APBB1: variants seen among roughly 807,000 people sequenced by gnomAD.
APBB1 encodes amyloid beta precursor protein binding family B member 1, also known as adaptor protein FE65a2.
A neutral mutation model predicts 78.4 loss-of-function variants in APBB1; 22 were observed. That is an observed-to-expected ratio of 0.28 (90% confidence interval 0.20 to 0.40). The LOEUF (loss-of-function observed/expected upper bound fraction) is 0.40. Ranked by LOEUF, APBB1 falls within the 10% of genes least tolerant of loss-of-function variation. The pLI is 1.00. For missense variants in APBB1, 749 were observed against 932.4 expected (o/e 0.80, Z 2.56); for synonymous variants, 369 against 372.7 (o/e 0.99, Z 0.12).
At chr11:6,412,407 T>A (rs1222178077) in intron 1 of APBB1, among the ~76,000 whole-genome samples, 1 of 152,136 alleles carries the variant, frequency 6.6e-6, no homozygotes, top group African/African-American at 2.4e-5. Flanking sequence ...CACTTCGGCC[T>A]CCCAAAGTGC....
At chr11:6,407,769 A>C (rs1254016209) in intron 2 of APBB1, among the ~76,000 whole-genome samples, 1 of 142,722 alleles carries the variant, frequency 7.0e-6, no homozygotes, top group Non-Finnish European at 1.5e-5. Flanking sequence ...CCTTTAGTAG[A>C]AGTATTTTTT....
chr11:6,396,028 C>A, intron 13 of APBB1, 66 bp from the exon 14 acceptor site: 1 of 1,600,608 alleles, frequency 6.2e-7, no homozygotes, highest in Non-Finnish European at 8.5e-7. Context: ...TCCATCTTAG[C>A]AGCTCTTCCC....
At chr11:6,413,211 TACC>T (rs1849024999) in intron 1 of APBB1, among the ~76,000 whole-genome samples, 1 of 151,922 alleles carries the variant, frequency 6.6e-6, no homozygotes, top group South Asian at 2.1e-4. Context: ...AGACAGCCCC[TACC>T]ACATTACTCT....
Position 6,401,383 on chromosome 11 carries a change from G to A in APBB1, c.1550C>T (p.Ser517Phe). 6.2e-7 allele frequency: 1 copy of A among 1,614,156 alleles called. No individual in the cohort carries two copies. The highest frequency in any genetic ancestry group is 1.3e-5 in the African/African-American group (1 of 75,028). The change falls in exon 11 of 15, where the codon TCC becomes TTC. Residue 517 changes from serine (S) to phenylalanine (F), a missense_variant. By Grantham distance (155) the Ser-to-Phe change is radical. This residue lies in a region of APBB1 where 635 missense variants were observed against 765.0 expected (regional missense o/e 0.83). Transcript: ENST00000609360. This position sits in a 1 kb window ranked among gnomAD's most constrained non-coding sequence, Gnocchi z 4.5. ...RNARCLVNGLSLDHSKLVDVP... is the reference protein window; with the variant it reads ...RNARCLVNGLFLDHSKLVDVP... ...ATCCACAAGTTTAGAGTGGTCCAGG[G>A]AGAGTCCATTTACCAAGCAGCGGGC...
intron 1 of APBB1, among the ~76,000 whole-genome samples, chr11:6,412,585 C>T (rs12099251): frequency 1.3e-5 from 2 of 152,202 alleles, no homozygotes; most frequent in South Asian, 2.1e-4. Flanking sequence ...CACCATCTGA[C>T]AAGCCAATTT....
In APBB1 at chr11:6,395,577, C is replaced by T; in HGVS notation, c.2090G>A (p.Trp697Ter). Reference protein sequence around the residue: ...WTVRRGVQSLWGSLKPKRLGA... With the variant: ...WTVRRGVQSL ...CAGCCGTTTGGGCTTCAGGGAGCCC[C>T]ACAGCGACTGAACACCCCTGCGGAC... Residue 697 changes from tryptophan to a stop codon, truncating the protein, a stop_gained, in exon 15 of 15, where the codon TGG becomes TAG. Coordinates refer to ENST00000609360, the MANE Select transcript of APBB1 (RefSeq NM_001164.5). LOFTEE classifies it high-confidence loss of function. This position sits in a 1 kb window ranked among gnomAD's most constrained non-coding sequence, Gnocchi z 5.2. The T allele has an allele frequency of 6.3e-7, 1 of 1,583,418 alleles. No individual in the cohort carries two copies.
At chr11:6,402,795 G>C in intron 6 of APBB1, 70 bp from the exon 7 acceptor site, 7 of 1,580,760 alleles carry the variant, frequency 4.4e-6, no homozygotes, top group Non-Finnish European at 2.6e-6. Context: ...TGACTACAGA[G>C]TGTGGCAGGA....
Position 6,409,080 on chromosome 11 carries a change from T to C in APBB1, c.721+1547A>G, listed in dbSNP as rs180962555. ...GAAATGCAAAAGTAAACTGTTGTTGTTGTTGTTGAGAAAGGGTCTCTCTCT... is the reference window on the plus strand; with the variant it reads ...GAAATGCAAAAGTAAACTGTTGTTGCTGTTGTTGAGAAAGGGTCTCTCTCT... On this transcript the variant is annotated intron_variant, in intron 2 of 14. Coordinates refer to ENST00000609360, the MANE Select transcript of APBB1 (RefSeq NM_001164.5). Among the ~76,000 whole-genome samples the C allele has an allele frequency of 3.8e-3, 573 of 152,320 alleles. 2 individuals are homozygous for C. Among genetic ancestry groups the C allele is most frequent in the Middle Eastern group, 0.017 (5 of 294 alleles).
At chr11:6,408,070 C>T (rs145991801) in intron 2 of APBB1, among the ~76,000 whole-genome samples, 2,293 of 152,294 alleles carry the variant, frequency 0.015, 60 homozygotes, top group African/African-American at 0.053. Flanking sequence ...TGAGCCACCG[C>T]GCCCGGCCTA....
At chr11:6,402,445 A>C (rs1190000040) in intron 7 of APBB1, 131 bp downstream of exon 7, 1 of 1,183,944 alleles carries the variant, frequency 8.4e-7, no homozygotes, top group African/African-American at 1.5e-5. Flanking sequence ...TCCATCCCAC[A>C]GGGCTGCCAC....
chr11:6,418,337 G>C lies in APBB1; in HGVS notation c.-15+648C>G, dbSNP rs577066412. 2.6e-5 allele frequency among the ~76,000 whole-genome samples: 4 copies of C among 152,318 alleles called. No individual in the cohort carries two copies. In the South Asian group the frequency reaches 8.3e-4, roughly 32 times the overall value. The stretch of plus-strand genomic sequence containing the variant: ...TTTCAGTGGGTGTCAGGGACACAGA[G>C]TGGAGTGCTTTTAAGAATGAATGGG... On this transcript the variant is annotated intron_variant, in intron 1 of 14. Coordinates refer to ENST00000609360, the MANE Select transcript of APBB1 (RefSeq NM_001164.5).
At chr11:6,418,568 C>T (rs1849177205) in intron 1 of APBB1, among the ~76,000 whole-genome samples, 1 of 152,212 alleles carries the variant, frequency 6.6e-6, no homozygotes, top group South Asian at 2.1e-4. Context: ...CAGGGCACAC[C>T]CCTCGGTCGC....
At chr11:6,413,935 GA>G (rs1242632313) in intron 1 of APBB1, among the ~76,000 whole-genome samples, 5 of 152,124 alleles carry the variant, frequency 3.3e-5, no homozygotes, top group Non-Finnish European at 7.3e-5. Context: ...ACAGCCACTG[GA>G]ATAAATGAAG....
At chr11:6,417,091 C>T (rs761410416) in intron 1 of APBB1, among the ~76,000 whole-genome samples, 14 of 152,196 alleles carry the variant, frequency 9.2e-5, no homozygotes, top group African/African-American at 2.2e-4. Context: ...CTCAGTCTGG[C>T]GCCTGCCTTC....
intron 1 of APBB1, among the ~76,000 whole-genome samples, chr11:6,417,546 A>G (rs777933428): frequency 1.6e-4 from 24 of 152,364 alleles, no homozygotes; most frequent in Middle Eastern, 3.4e-3. Flanking sequence ...TATTGCATGA[A>G]TAAGTGATTG....
At chr11:6,402,012 A>G in intron 8 of APBB1, 30 bp from the exon 9 acceptor site, 1 of 1,593,142 alleles carries the variant, frequency 6.3e-7, no homozygotes, top group Non-Finnish European at 8.6e-7. Flanking sequence ...AGAGGCAAAT[A>G]ACAGAGTTAG....
In APBB1 at chr11:6,411,082, C is replaced by A; in HGVS notation, c.266G>T (p.Arg89Leu). The change falls in exon 2 of 15, where the codon CGC becomes CTC. Residue 89 changes from arginine (R) to leucine (L), a missense_variant. By Grantham distance (102) the Arg-to-Leu change is moderately radical (BLOSUM62 -2). Transcript: ENST00000609360. This position sits in a 1 kb window ranked among gnomAD's most constrained non-coding sequence, Gnocchi z 5.2. ...RAATAHRDQN[R>L]NVTLTLAEEA... ...CTCCGCCAAGGTCAAGGTCACATTG[C>A]GATTCTGGTCACGGTGGGCCGTGGC... 1.2e-6 allele frequency: 2 copies of A among 1,613,570 alleles called. No homozygotes were observed. Among genetic ancestry groups the A allele is most frequent in the South Asian group, 1.1e-5 (1 of 91,086 alleles).
chr11:6,398,117 T>A (rs1215273691), intron 12 of APBB1, among the ~76,000 whole-genome samples: 1 of 152,172 alleles, frequency 6.6e-6, no homozygotes, highest in Non-Finnish European at 1.5e-5. Flanking sequence ...GACCAAGGTA[T>A]GGAAAAAGGC....
Position 6,401,539 on chromosome 11 carries a change from G to A in APBB1, c.1503+35C>T, listed in dbSNP as rs1481827116. On this transcript the variant is annotated intron_variant, in intron 10 of 14. Coordinates refer to ENST00000609360, the MANE Select transcript of APBB1 (RefSeq NM_001164.5). This position sits in a 1 kb window ranked among gnomAD's most constrained non-coding sequence, Gnocchi z 4.5. ...CCACCCACACCCTTGTAGAGCAAAG[G>A]TGGCAACTAGTCCAGGGAGTGGAGG... 1 of 1,614,112 alleles carries A rather than the reference G, an allele frequency of 6.2e-7. No individual in the cohort carries two copies. Among genetic ancestry groups the A allele is most frequent in the Admixed American group, 1.7e-5 (1 of 60,018 alleles).
Sources: gnomAD v4.1 joint callset for allele counts (sites outside exome capture counted in the v4.1 genomes callset) on GRCh38, gnomAD v4.1.1 for gene constraint, gnomAD v4.1.1 regional missense constraint, Gnocchi (gnomAD v3.1) non-coding constraint, MANE v1.5 for transcripts, NCBI Gene and HGNC (gene_info 2026-07-23, HGNC 2026-07-21) for gene names.